The following EFCAB6 variants were observed in gnomAD, a reference collection of about 807,000 sequenced individuals.
EFCAB6 encodes EF-hand calcium-binding domain-containing protein 6.
Under a neutral mutation model 169.8 loss-of-function variants are expected in EFCAB6, and 156 were observed. The observed-to-expected ratio is 0.92, with a 90% CI of 0.81 to 1.05. EFCAB6 has a LOEUF of 1.05. EFCAB6 is among the 50% of genes least tolerant of loss of function. The pLI is 0.00. For missense variants in EFCAB6, 1,800 were observed against 1,829.1 expected, an observed-to-expected ratio of 0.98 and a Z score of 0.29; for synonymous variants, 698 against 676.4, an observed-to-expected ratio of 1.03 and a Z score of -0.50.
intron 6 of EFCAB6, among the ~76,000 whole-genome samples, chr22:43,748,771 G>A (rs995704834): frequency 1.3e-5 from 2 of 152,138 alleles, no homozygotes; most frequent in Non-Finnish European, 2.9e-5. Context: ...TACGTGTTAC[G>A]GAAAATGTAC....
chr22:43,540,698 A>G (rs1215658570), intron 27 of EFCAB6, among the ~76,000 whole-genome samples: 1 of 152,112 alleles, frequency 6.6e-6, no homozygotes, highest in Non-Finnish European at 1.5e-5. Flanking sequence ...GAAAATGCAA[A>G]TCAGAGCCCC....
In EFCAB6 at chr22:43,615,813, A is replaced by C. The variant is rs2053645904; in HGVS notation, c.2562+13T>G. On this transcript the variant is annotated intron_variant, in intron 21 of 31. Transcript: ENST00000262726. The stretch of plus-strand genomic sequence containing the variant: ...GATTTTCTTTCCTTTTAAGGAAATA[A>C]TCATTTTCTTACCTTAGACAAGTCT... 3 of 1,604,006 alleles carry C rather than the reference A, an allele frequency of 1.9e-6. No individual in the cohort carries two copies. The highest frequency in any genetic ancestry group is 2.7e-5 in the African/African-American group (2 of 74,546).
intron 3 of EFCAB6, among the ~76,000 whole-genome samples, chr22:43,781,520 G>A (rs1228401532): frequency 2.0e-5 from 3 of 152,048 alleles, no homozygotes; most frequent in Non-Finnish European, 2.9e-5. Flanking sequence ...GTAGAGACAA[G>A]GTCTTACTAT....
intron 8 of EFCAB6, among the ~76,000 whole-genome samples, chr22:43,718,986 A>G (rs2059429838): frequency 6.6e-6 from 1 of 152,144 alleles, no homozygotes; most frequent in African/African-American, 2.4e-5. Context: ...TGGACACCTC[A>G]TCCTGTTCTC....
At chr22:43,562,740 G>A (rs2049141344) in intron 26 of EFCAB6, among the ~76,000 whole-genome samples, 1 of 98,118 alleles carries the variant, frequency 1.0e-5, no homozygotes, top group African/African-American at 4.5e-5. Flanking sequence ...AGGCAGCCCG[G>A]TGGGGGGTTG....
chr22:43,560,723 C>T (rs550265339), intron 26 of EFCAB6, among the ~76,000 whole-genome samples: 2 of 152,312 alleles, frequency 1.3e-5, no homozygotes, highest in South Asian at 2.1e-4. Flanking sequence ...CAAGCATGGA[C>T]GTGAAGGTCC....
chr22:43,579,540 GTACACGCAGGCATCATTCCC>G lies in EFCAB6; in HGVS notation c.3228+904_3228+923del, dbSNP rs1602391713. Among the ~76,000 whole-genome samples, 82 of 50,582 alleles carry G rather than the reference GTACACGCAGGCATCATTCCC, an allele frequency of 1.6e-3. 1 individual carries two copies. Among genetic ancestry groups the G allele is most frequent in the East Asian group, 0.012 (24 of 2,068 alleles). The allele number at this position is 50,582 out of a possible 152,430, so 33.2% of individuals were successfully genotyped here. ...ATTCCATACACATAGGCATCATTCC[GTACACGCAGGCATCATTCCC>G]TACACGCAGGCATCATTCCCTACAC... On this transcript the variant is annotated intron_variant, in intron 25 of 31. Coordinates refer to ENST00000262726, the MANE Select transcript of EFCAB6 (RefSeq NM_022785.4).
chr22:43,594,402 T>C (rs1367466713), intron 23 of EFCAB6, among the ~76,000 whole-genome samples: 1 of 152,048 alleles, frequency 6.6e-6, no homozygotes, highest in Non-Finnish European at 1.5e-5. Flanking sequence ...AGAAACTCAC[T>C]TCACCTATAA....
chr22:43,562,460 C>T (rs543110035), intron 26 of EFCAB6, among the ~76,000 whole-genome samples: 2 of 150,024 alleles, frequency 1.3e-5, no homozygotes, highest in South Asian at 4.3e-4. Flanking sequence ...CCTGCCATGA[C>T]ATAGGAATCA....
intron 8 of EFCAB6, among the ~76,000 whole-genome samples, chr22:43,727,643 A>G (rs927543940): frequency 6.6e-6 from 1 of 152,206 alleles, no homozygotes; most frequent in Non-Finnish European, 1.5e-5. Context: ...AGAACTGGAA[A>G]AACACTGTAG....
intron 30 of EFCAB6, chr22:43,533,397 T>G (rs1306337195): frequency 6.6e-6 from 1 of 152,160 alleles, no homozygotes; most frequent in Non-Finnish European, 1.5e-5. Flanking sequence ...TCCAGGGCAC[T>G]GTATGACACC....
At chr22:43,811,387 A>G in intron 1 of EFCAB6, among the ~76,000 whole-genome samples, 2 of 133,774 alleles carry the variant, frequency 1.5e-5, no homozygotes, top group Non-Finnish European at 3.2e-5. Context: ...AGGGGAGGGG[A>G]GGGAGAAAAG....
chr22:43,623,068 G>A (rs1048442813), intron 20 of EFCAB6, among the ~76,000 whole-genome samples: 1 of 152,226 alleles, frequency 6.6e-6, no homozygotes, highest in Non-Finnish European at 1.5e-5. Flanking sequence ...AGACAGAACA[G>A]CACTCTAGAT....
At chr22:43,677,375 C>T (rs1203067854) in intron 13 of EFCAB6, among the ~76,000 whole-genome samples, 4 of 152,102 alleles carry the variant, frequency 2.6e-5, no homozygotes, top group African/African-American at 4.8e-5. Flanking sequence ...TGGCCAGGCG[C>T]GGTGGCTCAC....
chr22:43,529,055 G>A, intron 31 of EFCAB6, 80 bp from the exon 32 acceptor site: 1 of 1,452,140 alleles, frequency 6.9e-7, no homozygotes, highest in Non-Finnish European at 9.3e-7. Flanking sequence ...AAGGGGCTGG[G>A]GGACACATCC....
At chr22:43,568,416 G>A (rs929974743) in intron 26 of EFCAB6, among the ~76,000 whole-genome samples, 2 of 152,162 alleles carry the variant, frequency 1.3e-5, no homozygotes, top group East Asian at 1.9e-4. Context: ...AGAATCACTG[G>A]TGCGACTCAA....
chr22:43,600,029 G>A, intron 23 of EFCAB6, 40 bp downstream of exon 23: 1 of 1,582,236 alleles, frequency 6.3e-7, no homozygotes, highest in Non-Finnish European at 8.6e-7. Context: ...ATGTAAAAGG[G>A]GACTTCTAGA....
chr22:43,807,131 C>A (rs190783001), intron 2 of EFCAB6, among the ~76,000 whole-genome samples: 237 of 152,292 alleles, frequency 1.6e-3, no homozygotes, highest in Non-Finnish European at 3.0e-3. Context: ...GCAGTAAGCA[C>A]CCCATTAAAC....
At chr22:43,560,949 C>T (rs61523085) in intron 26 of EFCAB6, among the ~76,000 whole-genome samples, 5,916 of 152,224 alleles carry the variant, frequency 0.039, 127 homozygotes, top group African/African-American at 0.051. Context: ...TGCGTGGCGG[C>T]GTGGGGAAGG....
Sources: gnomAD v4.1 joint callset for allele counts (sites outside exome capture counted in the v4.1 genomes callset) on GRCh38, gnomAD v4.1.1 for gene constraint, MANE v1.5 for transcripts, NCBI Gene and HGNC (gene_info 2026-07-23, HGNC 2026-07-21) for gene names.